ZNF143: variants seen among roughly 807,000 people sequenced by gnomAD.
ZNF143 encodes zinc finger protein 143, also known as SPH-binding factor.
Under a neutral mutation model 74.1 loss-of-function variants are expected in ZNF143, and 49 were observed. That is an observed-to-expected ratio of 0.66 (90% confidence interval 0.53 to 0.84). ZNF143 has a LOEUF of 0.84. Among genes scored for constraint, ZNF143 ranks in the 40% least tolerant of loss-of-function variants. The probability of loss-of-function intolerance (pLI) is 0.00; values close to 1 mark genes in which losing one functional copy is unlikely to be tolerated. For missense variants in ZNF143, 637 were observed against 793.4 expected (o/e 0.80, Z 2.37); for synonymous variants, 304 against 282.8 (o/e 1.07, Z -0.75).
intron 7 of ZNF143, among the ~76,000 whole-genome samples, chr11:9,489,464 A>G (rs1847686767): frequency 6.6e-6 from 1 of 152,188 alleles, no homozygotes. Flanking sequence ...AGCAAAAACA[A>G]GTACATTTTT....
intron 12 of ZNF143, 99 bp downstream of exon 12, chr11:9,508,945 C>A: frequency 8.2e-7 from 1 of 1,224,414 alleles, no homozygotes; most frequent in South Asian, 1.4e-5. Flanking sequence ...CCTAATGTGT[C>A]ATTCGTATAA....
At chr11:9,512,399 AAAC>A (rs1400362360) in intron 12 of ZNF143, 46 bp from the exon 13 acceptor site, 11 of 1,585,602 alleles carry the variant, frequency 6.9e-6, no homozygotes, top group Non-Finnish European at 9.5e-6. Context: ...CCTATTTTCT[AAAC>A]AAATTGGTTG....
At chr11:9,503,501 CATCCCAGCTAACAGTTGTTATT>C (rs956664410) in intron 11 of ZNF143, among the ~76,000 whole-genome samples, 3 of 152,206 alleles carry the variant, frequency 2.0e-5, no homozygotes, top group East Asian at 1.9e-4. Context: ...AGTTTCTCCA[CATCCCAGCTAACAGTTGTTATT>C]ATCCCAGCTA....
In ZNF143 at chr11:9,508,799, C is replaced by T; in HGVS notation, c.1328C>T (p.Thr443Ile). The T allele has an allele frequency of 6.2e-7, 1 of 1,607,858 alleles. No homozygotes were observed. Among genetic ancestry groups the T allele is most frequent in the Non-Finnish European group, 8.5e-7 (1 of 1,176,764 alleles). ...CACAAACGGACAGCCCACAACGACA[C>T]TGAGCCCATCGAGGAGGAGCAGGAA... ...AMHKRTAHND[T>I]EPIEEEQEAF... Residue 443 changes from threonine to isoleucine, a missense_variant, in exon 12 of 16, where the codon ACT (threonine) becomes ATT (isoleucine). Physicochemically the swap from Thr to Ile is moderately conservative, Grantham distance 89 (BLOSUM62 -1). Transcript: ENST00000396602.
chr11:9,471,502 G>T, intron 2 of ZNF143, 82 bp downstream of exon 2: 1 of 1,005,244 alleles, frequency 9.9e-7, no homozygotes, highest in Non-Finnish European at 1.4e-6. Context: ...CCTAGTTCCT[G>T]ATTTAGCAGA....
intron 5 of ZNF143, among the ~76,000 whole-genome samples, chr11:9,476,003 CTAAG>C (rs1856866735): frequency 2.0e-5 from 3 of 149,120 alleles, no homozygotes; most frequent in African/African-American, 7.5e-5. Flanking sequence ...TTAATTGAAA[CTAAG>C]TATACAATGT....
chr11:9,494,608 G>A, intron 7 of ZNF143, 38 bp from the exon 8 acceptor site: 1 of 1,595,420 alleles, frequency 6.3e-7, no homozygotes. Flanking sequence ...ACTGTGCCTG[G>A]CTTAAGTAAT....
intron 1 of ZNF143, among the ~76,000 whole-genome samples, chr11:9,462,533 C>T (rs911566588): frequency 6.6e-6 from 1 of 150,632 alleles, no homozygotes; most frequent in African/African-American, 2.4e-5. Context: ...ACTGTACTCC[C>T]GTCTGGGTGA....
intron 13 of ZNF143, 69 bp downstream of exon 13, chr11:9,512,665 T>A (rs1271218105): frequency 6.3e-7 from 1 of 1,592,844 alleles, no homozygotes. Flanking sequence ...GCAGGCTGGG[T>A]CCCCATTGAG....
intron 1 of ZNF143, among the ~76,000 whole-genome samples, chr11:9,465,106 G>C (rs1284223106): frequency 6.6e-6 from 1 of 152,108 alleles, no homozygotes; most frequent in Non-Finnish European, 1.5e-5. Flanking sequence ...GTATGTATGT[G>C]GATAGCAAGG....
At chr11:9,503,156 A>G (rs551010375) in intron 11 of ZNF143, among the ~76,000 whole-genome samples, 12 of 152,340 alleles carry the variant, frequency 7.9e-5, no homozygotes, top group African/African-American at 1.4e-4. Flanking sequence ...AAGTTCAACC[A>G]TGTTGTAGCA....
At chr11:9,475,651 G>C (rs1856832072) in intron 5 of ZNF143, among the ~76,000 whole-genome samples, 1 of 152,148 alleles carries the variant, frequency 6.6e-6, no homozygotes, top group Non-Finnish European at 1.5e-5. Flanking sequence ...AGCACTTTGG[G>C]AGGCCGATGC....
At chr11:9,486,439 A>ATATATAAAATATATTATATATATTAT (rs1343381933) in intron 7 of ZNF143, among the ~76,000 whole-genome samples, 11 of 23,134 alleles carry the variant, frequency 4.8e-4, no homozygotes, top group African/African-American at 1.5e-3. Flanking sequence ...TTATATATAT[A>ATATATAAAATATATTATATATATTAT]ATATATTATA....
At chr11:9,496,414 A>G (rs765129580) in intron 9 of ZNF143, 36 bp downstream of exon 9, 34 of 1,579,432 alleles carry the variant, frequency 2.2e-5, no homozygotes, top group Non-Finnish European at 3.0e-5. Context: ...CTTGGTTCCA[A>G]TTAGGGGTCA....
At chr11:9,484,757 A>C in intron 7 of ZNF143, among the ~76,000 whole-genome samples, 1 of 145,478 alleles carries the variant, frequency 6.9e-6, no homozygotes, top group African/African-American at 2.6e-5. Context: ...CAGCCTCCCA[A>C]AGCACTAGGA....
rs1412387710 is a variant in ZNF143, at chr11:9,516,369, A to G, written c.1686+7A>G. ...GGGTACAGAAGGGGAACAGGTAATT[A>G]CTTTTTTCTGTTATGTCAATCAATA... On this transcript the variant is annotated splice_region_variant and intron_variant, in intron 14 of 15. Coordinates refer to ENST00000396602, the MANE Select transcript of ZNF143 (RefSeq NM_003442.6). The G allele has an allele frequency of 6.2e-7, 1 of 1,603,358 alleles. No individual in the cohort carries two copies. The highest frequency in any genetic ancestry group is 1.3e-5 in the African/African-American group (1 of 74,758).
intron 13 of ZNF143, among the ~76,000 whole-genome samples, chr11:9,515,069 G>A (rs985148981): frequency 9.9e-5 from 15 of 151,930 alleles, no homozygotes; most frequent in Non-Finnish European, 1.6e-4. Context: ...CAGAGGTTGC[G>A]GTGAGCCGAG....
At chr11:9,522,682 C>CG (rs908499220) in intron 14 of ZNF143, among the ~76,000 whole-genome samples, 9 of 151,516 alleles carry the variant, frequency 5.9e-5, no homozygotes, top group African/African-American at 1.7e-4. Flanking sequence ...TTAGTAGAGA[C>CG]GGGGTCTCAC....
At chr11:9,465,182 T>A (rs1231493042) in intron 1 of ZNF143, among the ~76,000 whole-genome samples, 2 of 152,126 alleles carry the variant, frequency 1.3e-5, no homozygotes, top group Non-Finnish European at 2.9e-5. Flanking sequence ...CTTACTATTT[T>A]TTTTATTTAT....
Sources: allele counts gnomAD v4.1 joint callset (sites outside exome capture counted in the v4.1 genomes callset), GRCh38; gene constraint gnomAD v4.1.1; transcripts MANE v1.5; gene names NCBI Gene and HGNC (gene_info 2026-07-23, HGNC 2026-07-21).